MYOM1: variants seen among roughly 807,000 people sequenced by gnomAD.
MYOM1 encodes myomesin 1.
Under a neutral mutation model 205.3 loss-of-function variants are expected in MYOM1, and 164 were observed. The ratio of observed to expected loss-of-function variants is 0.80; its 90% CI spans 0.70 to 0.91. The LOEUF is 0.91. Ranked by LOEUF, MYOM1 falls within the 40% of genes least tolerant of loss-of-function variation. MYOM1 has a pLI of 0.00. For missense variants in MYOM1, 2,011 were observed against 2,127.3 expected (o/e 0.95, Z 1.08); for synonymous variants, 772 against 789.4 (o/e 0.98, Z 0.37).
chr18:3,131,531 G>C, intron 16 of MYOM1, 35 bp from the exon 17 acceptor site: 1 of 1,596,890 alleles, frequency 6.3e-7, no homozygotes, highest in South Asian at 1.1e-5. Context: ...AATTTTCCTA[G>C]GAGGAAGATT....
rs567902897 is a variant in MYOM1 at position 3,081,290 on chromosome 18, A to G, written c.4485-1948T>C. On this transcript the variant is annotated intron_variant, in intron 33 of 37. Coordinates refer to ENST00000356443, the MANE Select transcript of MYOM1 (RefSeq NM_003803.4). ...ATAGGTACTATTGGTCCTATTTTAT[A>G]TAAGAGAAAACTGAGATTCAGAAAA... Among the ~76,000 whole-genome samples, 5 of 152,356 alleles carry G rather than the reference A, an allele frequency of 3.3e-5. No homozygotes were observed. In the South Asian group the frequency reaches 8.3e-4, roughly 25 times the overall value.
chr18:3,124,998 G>T (rs936884248), intron 19 of MYOM1, among the ~76,000 whole-genome samples: 1 of 152,184 alleles, frequency 6.6e-6, no homozygotes, highest in African/African-American at 2.4e-5. Flanking sequence ...AGAAAAATGG[G>T]CAAAAACCTT....
At chr18:3,120,748 C>A (rs2079678390) in intron 19 of MYOM1, among the ~76,000 whole-genome samples, 3 of 152,162 alleles carry the variant, frequency 2.0e-5, no homozygotes, top group African/African-American at 7.2e-5. Context: ...AGCTAGGAAT[C>A]AAAATGCTCA....
chr18:3,090,862 A>T, intron 26 of MYOM1, 60 bp from the exon 27 acceptor site: 1 of 1,598,198 alleles, frequency 6.3e-7, no homozygotes, highest in Non-Finnish European at 8.6e-7. Context: ...ACTTGGAATG[A>T]CAACAAGCTT....
At chr18:3,164,235 G>T in intron 10 of MYOM1, 43 bp downstream of exon 10, 2 of 1,585,640 alleles carry the variant, frequency 1.3e-6, no homozygotes, top group South Asian at 2.3e-5. Context: ...TGGCTTCAGT[G>T]TACTAAATAT....
intron 5 of MYOM1, among the ~76,000 whole-genome samples, chr18:3,181,782 T>C (rs1176358303): frequency 6.8e-6 from 1 of 146,412 alleles, no homozygotes; most frequent in African/African-American, 2.6e-5. Flanking sequence ...TCCCCCAGGC[T>C]GTAGCGCAGT....
At chr18:3,080,445 A>G (rs1311041689) in intron 33 of MYOM1, among the ~76,000 whole-genome samples, 4 of 152,144 alleles carry the variant, frequency 2.6e-5, no homozygotes, top group Non-Finnish European at 5.9e-5. Context: ...AAGCGGAGGC[A>G]GGCGGATCAC....
intron 5 of MYOM1, among the ~76,000 whole-genome samples, chr18:3,177,340 A>T (rs1490755429): frequency 6.6e-6 from 1 of 152,056 alleles, no homozygotes; most frequent in Admixed American, 6.6e-5. Flanking sequence ...TTGATGTAAC[A>T]GAGAGGAAGG....
Position 3,121,315 on chromosome 18 carries a change from T to A in MYOM1, c.2992-1320A>T, listed in dbSNP as rs553272014. On this transcript the variant is annotated intron_variant, in intron 19 of 37. Coordinates refer to ENST00000356443, the MANE Select transcript of MYOM1 (RefSeq NM_003803.4). Reference sequence around the variant, plus strand: ...AAATCCCGGGTAGATACATCTTTTTTAAAAACCCACATCTAGACCTATAGT... The same window carrying A: ...AAATCCCGGGTAGATACATCTTTTTAAAAAACCCACATCTAGACCTATAGT... 9.9e-5 allele frequency among the ~76,000 whole-genome samples: 15 copies of A among 152,250 alleles called. 1 individual carries two copies. In the South Asian group the frequency reaches 2.9e-3, roughly 30 times the overall value.
chr18:3,082,018 A>C (rs889249670), intron 33 of MYOM1, among the ~76,000 whole-genome samples: 1 of 152,174 alleles, frequency 6.6e-6, no homozygotes, highest in African/African-American at 2.4e-5. Context: ...GGGATGACTC[A>C]AGCACATAAC....
chr18:3,107,927 C>T (rs1046702644), intron 22 of MYOM1, among the ~76,000 whole-genome samples: 6 of 152,182 alleles, frequency 3.9e-5, no homozygotes, highest in African/African-American at 1.4e-4. Flanking sequence ...TCCCTTACTG[C>T]TTAGATGTTA....
the MYOM1 span, among the ~76,000 whole-genome samples, chr18:3,244,980 G>A: frequency 6.7e-6 from 1 of 150,276 alleles, no homozygotes; most frequent in Non-Finnish European, 1.5e-5. Flanking sequence ...GAGGAAGAGA[G>A]TGAGATCTCT....
intron 2 of MYOM1, among the ~76,000 whole-genome samples, chr18:3,202,782 T>C (rs1567966583): frequency 6.6e-6 from 1 of 152,076 alleles, no homozygotes. Flanking sequence ...GAACATAGAA[T>C]ACTTGCAAAA....
chr18:3,166,566 C>T (rs2080475719), intron 9 of MYOM1, among the ~76,000 whole-genome samples: 1 of 151,892 alleles, frequency 6.6e-6, no homozygotes, highest in African/African-American at 2.4e-5. Context: ...GATCACAGGC[C>T]TGAGCCACCG....
intron 8 of MYOM1, among the ~76,000 whole-genome samples, chr18:3,170,981 A>T (rs1335959809): frequency 6.6e-6 from 1 of 152,226 alleles, no homozygotes; most frequent in Non-Finnish European, 1.5e-5. Context: ...TTCAACTTTG[A>T]CCAAGTATTG....
chr18:3,154,758 GAGAA>G (rs1284631282), intron 11 of MYOM1, among the ~76,000 whole-genome samples, 185 bp downstream of exon 11: 3 of 151,744 alleles, frequency 2.0e-5, no homozygotes, highest in Non-Finnish European at 4.4e-5. Context: ...TACATACAGA[GAGAA>G]AGAGAGAGCG....
At chr18:3,218,480 T>C (rs1222773227) in intron 1 of MYOM1, among the ~76,000 whole-genome samples, 1 of 152,184 alleles carries the variant, frequency 6.6e-6, no homozygotes, top group Non-Finnish European at 1.5e-5. Flanking sequence ...CTACAGGGCA[T>C]TTCCTAAGGG....
intron 13 of MYOM1, among the ~76,000 whole-genome samples, chr18:3,147,190 A>T (rs2080141682): frequency 7.0e-6 from 1 of 142,096 alleles, no homozygotes; most frequent in African/African-American, 2.5e-5. Flanking sequence ...CAGATACTCT[A>T]ACTTTTTGTC....
chr18:3,074,691 C>T (rs1189717409), intron 36 of MYOM1, among the ~76,000 whole-genome samples: 1 of 152,060 alleles, frequency 6.6e-6, no homozygotes, highest in African/African-American at 2.4e-5. Context: ...TAAGGAAGGC[C>T]TTATTTGGTA....
Sources: gnomAD v4.1 joint callset for allele counts (sites outside exome capture counted in the v4.1 genomes callset) on GRCh38, gnomAD v4.1.1 for gene constraint, MANE v1.5 for transcripts, NCBI Gene and HGNC (gene_info 2026-07-23, HGNC 2026-07-21) for gene names.